The following FAM184A variants were observed in gnomAD, a reference collection of about 807,000 sequenced individuals.
The protein encoded by FAM184A is family with sequence similarity 184 member A.
Under a neutral mutation model 143.8 loss-of-function variants are expected in FAM184A, and 99 were observed. The observed-to-expected ratio is 0.69, with a 90% CI of 0.58 to 0.81. FAM184A has a LOEUF of 0.81. Ranked by LOEUF, FAM184A falls within the 40% of genes least tolerant of loss-of-function variation. FAM184A has a pLI of 0.00. For missense variants in FAM184A, 1,217 were observed against 1,310.5 expected, an observed-to-expected ratio of 0.93 and a Z score of 1.10; for synonymous variants, 427 against 446.4, an observed-to-expected ratio of 0.96 and a Z score of 0.55.
rs747133935 is a variant in FAM184A at position 119,003,576 on chromosome 6, G to A, written c.1862C>T (p.Ala621Val). The change falls in exon 8 of 18, where the codon GCC becomes GTC. Residue 621 changes from alanine (A) to valine (V), a missense_variant. Coordinates refer to ENST00000338891, the MANE Select transcript of FAM184A (RefSeq NM_024581.6). ...ERQQHEETIAAMKEEEKLKVD... is the reference protein window; with the variant it reads ...ERQQHEETIAVMKEEEKLKVD... The stretch of plus-strand genomic sequence containing the variant: ...TTTGAGCTTCTCTTCTTCTTTCATG[G>A]CAGCAATTGTTTCTTCATGCTGTTG... 4 of 1,612,078 alleles carry A rather than the reference G, an allele frequency of 2.5e-6. No individual in the cohort carries two copies. The African/African-American group carries it at 5.3e-5, about 22-fold the overall frequency.
intron 9 of FAM184A, among the ~76,000 whole-genome samples, chr6:118,994,726 T>C (rs1562465414): frequency 7.0e-6 from 1 of 142,042 alleles, no homozygotes; most frequent in East Asian, 2.0e-4. Flanking sequence ...AATAAATAAA[T>C]AAATAAATAA....
At chr6:118,985,544 T>C (rs1042488001) in intron 9 of FAM184A, among the ~76,000 whole-genome samples, 12 of 152,214 alleles carry the variant, frequency 7.9e-5, no homozygotes, top group African/African-American at 2.4e-4. Flanking sequence ...GATATTCAGA[T>C]ATGACCCATT....
intron 14 of FAM184A, among the ~76,000 whole-genome samples, chr6:118,968,265 A>T (rs1783560589): frequency 6.9e-6 from 1 of 144,582 alleles, no homozygotes; most frequent in Non-Finnish European, 1.5e-5. Context: ...TGATGAGCTT[A>T]AAAAAAAAAC....
chr6:119,001,340 G>A (rs1784750810), intron 9 of FAM184A, among the ~76,000 whole-genome samples: 1 of 151,708 alleles, frequency 6.6e-6, no homozygotes, highest in Admixed American at 6.6e-5. Flanking sequence ...GAAATGGTCT[G>A]ATGGCATGGA....
chr6:119,081,710 C>T (rs1363730645), upstream of FAM184A, among the ~76,000 whole-genome samples: 1 of 152,158 alleles, frequency 6.6e-6, no homozygotes, highest in African/African-American at 2.4e-5. Flanking sequence ...GATGGTTTTC[C>T]CCTGGAGTTG....
At chr6:119,041,106 A>G (rs1430637876) in intron 1 of FAM184A, among the ~76,000 whole-genome samples, 1 of 152,152 alleles carries the variant, frequency 6.6e-6, no homozygotes, top group Non-Finnish European at 1.5e-5. Flanking sequence ...CAGCCCCTGT[A>G]GCAGTTAATG....
At chr6:118,967,027 T>G (rs1783522933) in intron 14 of FAM184A, 75 bp from the exon 15 acceptor site, 2 of 699,000 alleles carry the variant, frequency 2.9e-6, no homozygotes, top group Non-Finnish European at 4.8e-6. Context: ...TTAAAAAAAT[T>G]AGTCTAGTTG....
intron 5 of FAM184A, among the ~76,000 whole-genome samples, chr6:119,012,264 A>G (rs1785112789): frequency 6.6e-6 from 1 of 152,214 alleles, no homozygotes; most frequent in Admixed American, 6.5e-5. Context: ...TAAAATGAGA[A>G]GAAGAATCAA....
intron 9 of FAM184A, among the ~76,000 whole-genome samples, chr6:118,995,092 A>C (rs888365274): frequency 6.6e-6 from 1 of 152,206 alleles, no homozygotes; most frequent in South Asian, 2.1e-4. Flanking sequence ...CTTACATTGT[A>C]ATTCAAGTAA....
intron 1 of FAM184A, among the ~76,000 whole-genome samples, chr6:119,101,793 C>G (rs143327401): frequency 1.3e-5 from 2 of 152,134 alleles, no homozygotes; most frequent in African/African-American, 4.8e-5. Flanking sequence ...CGGTGACTCA[C>G]GCCTGTAATC....
intron 14 of FAM184A, among the ~76,000 whole-genome samples, chr6:118,969,611 G>A (rs1406562800): frequency 6.6e-6 from 1 of 152,086 alleles, no homozygotes; most frequent in East Asian, 1.9e-4. Context: ...AACCAGCACT[G>A]CTTCTAAAAT....
At chr6:119,045,490 A>G (rs1159372182) in intron 1 of FAM184A, among the ~76,000 whole-genome samples, 12 of 152,236 alleles carry the variant, frequency 7.9e-5, no homozygotes, top group Non-Finnish European at 1.3e-4. Context: ...TGGCATTACA[A>G]CCTTGGAGAA....
intron 1 of FAM184A, among the ~76,000 whole-genome samples, chr6:119,046,912 A>G (rs1786556557): frequency 6.6e-6 from 1 of 152,266 alleles, no homozygotes; most frequent in Admixed American, 6.5e-5. Context: ...GCTTCTGCAC[A>G]GCAAAGGATA....
intron 1 of FAM184A, among the ~76,000 whole-genome samples, chr6:119,119,088 C>T (rs1209219632): frequency 2.0e-5 from 3 of 152,180 alleles, no homozygotes; most frequent in African/African-American, 7.2e-5. Context: ...CGCCCCCAGG[C>T]TTATTAGGAT....
At chr6:118,978,121 G>A (rs562525257) in intron 11 of FAM184A, among the ~76,000 whole-genome samples, 22 of 152,096 alleles carry the variant, frequency 1.4e-4, no homozygotes, top group African/African-American at 4.8e-4. Flanking sequence ...GCGCCACCAC[G>A]CCTGGCTAAT....
At chr6:119,050,084 T>C (rs1786692309) in intron 1 of FAM184A, among the ~76,000 whole-genome samples, 1 of 152,106 alleles carries the variant, frequency 6.6e-6, no homozygotes, top group Non-Finnish European at 1.5e-5. Flanking sequence ...GAAAGGTCAA[T>C]ATCACTGATC....
intron 1 of FAM184A, among the ~76,000 whole-genome samples, chr6:119,091,145 C>A (rs773690926): frequency 1.3e-5 from 2 of 152,116 alleles, no homozygotes; most frequent in Admixed American, 1.3e-4. Context: ...ACTAATGCTA[C>A]GTATTGATAC....
At chr6:119,068,101 C>A (rs1286924217) in intron 1 of FAM184A, among the ~76,000 whole-genome samples, 1 of 141,732 alleles carries the variant, frequency 7.1e-6, no homozygotes, top group Non-Finnish European at 1.5e-5. Context: ...GGCTGGAGTG[C>A]AGTGGCGCAA....
intron 1 of FAM184A, among the ~76,000 whole-genome samples, chr6:119,129,720 GT>G (rs1407774667): frequency 8.0e-4 from 100 of 125,058 alleles, no homozygotes; most frequent in East Asian, 3.2e-3. Context: ...TTGTGTGTGT[GT>G]GTGGGGGGTT....
Sources: gnomAD v4.1 joint callset for allele counts (sites outside exome capture counted in the v4.1 genomes callset) on GRCh38, gnomAD v4.1.1 for gene constraint, MANE v1.5 for transcripts, NCBI Gene and HGNC (gene_info 2026-07-23, HGNC 2026-07-21) for gene names.